FGF14: variants seen among roughly 807,000 people sequenced by gnomAD.
The protein encoded by FGF14 is fibroblast growth factor 14.
FGF14 carries 5 observed loss-of-function variants against 25.5 expected under a neutral mutation model. That is an observed-to-expected ratio of 0.20 (90% CI 0.10 to 0.41). The LOEUF is 0.41. Among genes scored for constraint, FGF14 ranks in the 10% least tolerant of loss-of-function variants. The probability of loss-of-function intolerance (pLI) is 1.00; values close to 1 mark genes in which losing one functional copy is unlikely to be tolerated. For missense variants in FGF14, 222 were observed against 320.1 expected, an observed-to-expected ratio of 0.69 and a Z score of 2.34; for synonymous variants, 138 against 118.3, an observed-to-expected ratio of 1.17 and a Z score of -1.08.
chr13:102,207,229 G>A (rs763307182), intron 1 of FGF14, among the ~76,000 whole-genome samples: 3 of 151,154 alleles, frequency 2.0e-5, no homozygotes, highest in Non-Finnish European at 3.0e-5. Context: ...GCAGTGAGCC[G>A]AGATCATGCC....
At chr13:101,910,996 G>T (rs533556134) in intron 1 of FGF14, among the ~76,000 whole-genome samples, 2 of 151,892 alleles carry the variant, frequency 1.3e-5, no homozygotes, top group Admixed American at 6.6e-5. Flanking sequence ...CATTTGGGGA[G>T]ACATTAATAT....
chr13:102,137,810 G>T (rs186628707), intron 1 of FGF14, among the ~76,000 whole-genome samples: 129 of 151,784 alleles, frequency 8.5e-4, no homozygotes, highest in African/African-American at 2.8e-3. Context: ...CTTCAAGTGG[G>T]TAAGGCTTTG....
At chr13:102,243,654 T>C (rs1566855855) in intron 1 of FGF14, among the ~76,000 whole-genome samples, 1 of 63,458 alleles carries the variant, frequency 1.6e-5, no homozygotes, top group Non-Finnish European at 2.8e-5. Flanking sequence ...ACTTTGGGCA[T>C]GTTTTTTTTT....
intron 1 of FGF14, among the ~76,000 whole-genome samples, chr13:101,932,686 A>T (rs1387999059): frequency 1.3e-5 from 2 of 151,666 alleles, no homozygotes; most frequent in Admixed American, 6.6e-5. Context: ...AGTTTCCTAA[A>T]ATGAAGTTAT....
chr13:101,916,322 G>T (rs1389446165), intron 1 of FGF14, 131 bp downstream of exon 1: 1 of 1,124,036 alleles, frequency 8.9e-7, no homozygotes, highest in Non-Finnish European at 1.3e-6. Flanking sequence ...ACGGCACCCA[G>T]AGTGCTCAGA....
chr13:102,244,290 T>A (rs2051748116), intron 1 of FGF14, among the ~76,000 whole-genome samples: 1 of 151,976 alleles, frequency 6.6e-6, no homozygotes, highest in African/African-American at 2.4e-5. Context: ...AAGTGTAACT[T>A]GCAAGTTGGG....
intron 3 of FGF14, among the ~76,000 whole-genome samples, chr13:101,803,128 CTTTT>C (rs538040504): frequency 4.5e-5 from 6 of 132,948 alleles, no homozygotes; most frequent in Admixed American, 1.5e-4. Flanking sequence ...CATTTTGAAA[CTTTT>C]TTTTTTTTTT....
intron 3 of FGF14, among the ~76,000 whole-genome samples, chr13:101,754,126 G>A (rs1041395360): frequency 2.0e-5 from 3 of 152,134 alleles, no homozygotes; most frequent in African/African-American, 7.2e-5. Context: ...TTCCTAGTTT[G>A]GAGTTGGATT....
intron 1 of FGF14, among the ~76,000 whole-genome samples, chr13:101,988,429 CA>C (rs1196382137): frequency 6.6e-6 from 1 of 151,964 alleles, no homozygotes; most frequent in Non-Finnish European, 1.5e-5. Flanking sequence ...TATTGCTATT[CA>C]CAATAGCAAA....
chr13:102,057,415 T>A (rs1040213677), intron 1 of FGF14, among the ~76,000 whole-genome samples: 1 of 152,176 alleles, frequency 6.6e-6, no homozygotes. Flanking sequence ...GAATATGGTC[T>A]CCATTTGCAG....
intron 1 of FGF14, among the ~76,000 whole-genome samples, chr13:101,878,959 T>G (rs75735050): frequency 8.6e-6 from 1 of 116,446 alleles, no homozygotes; most frequent in East Asian, 2.8e-4. Context: ...TACAAGTATT[T>G]TTGTTTTAAA....
rs1478594738 is a variant in FGF14, at chr13:102,072,419, T to C, written c.209-197123A>G. Among the ~76,000 whole-genome samples the C allele has an allele frequency of 4.6e-5, 7 of 152,184 alleles. No homozygotes were observed. The South Asian group carries it at 8.3e-4, about 18-fold the overall frequency. ...GGGCAAAGTATCACTCTCAGAATTA[T>C]GGGATTCATAAGGAATCATCAAGAA... On this transcript the variant is annotated intron_variant, in intron 1 of 4. Coordinates refer to the FGF14 transcript ENST00000376131.
intron 1 of FGF14, among the ~76,000 whole-genome samples, chr13:102,194,406 C>T (rs750036060): frequency 6.9e-5 from 10 of 143,914 alleles, no homozygotes; most frequent in Non-Finnish European, 1.3e-4. Flanking sequence ...CATGCATTAG[C>T]TATTTATCCT....
At chr13:102,006,900 G>A (rs867388892) in intron 1 of FGF14, among the ~76,000 whole-genome samples, 190 of 150,322 alleles carry the variant, frequency 1.3e-3, no homozygotes, top group African/African-American at 4.3e-3. Context: ...GCCCGCCACC[G>A]CGCCTGGCTA....
intron 1 of FGF14, among the ~76,000 whole-genome samples, chr13:102,103,523 A>C (rs2086145084): frequency 6.6e-6 from 1 of 151,990 alleles, no homozygotes; most frequent in African/African-American, 2.4e-5. Flanking sequence ...TTATATTCCT[A>C]TTCTTTTCCA....
At chr13:102,313,348 C>T (rs1000875384) in intron 1 of FGF14, among the ~76,000 whole-genome samples, 1 of 152,196 alleles carries the variant, frequency 6.6e-6, no homozygotes, top group Non-Finnish European at 1.5e-5. Flanking sequence ...AAGTGGAGAA[C>T]TCAGAAACTG....
chr13:102,049,127 A>G (rs1395860580), intron 1 of FGF14, among the ~76,000 whole-genome samples: 1 of 132,052 alleles, frequency 7.6e-6, no homozygotes, highest in Admixed American at 7.2e-5. Flanking sequence ...AAATTTTAGG[A>G]AAAAAAATAC....
chr13:102,200,062 G>A, intron 1 of FGF14, among the ~76,000 whole-genome samples: 1 of 152,188 alleles, frequency 6.6e-6, no homozygotes. Flanking sequence ...TGGCCTCAGT[G>A]TTGTCATCTG....
intron 1 of FGF14, among the ~76,000 whole-genome samples, chr13:102,227,055 A>G (rs1420192437): frequency 6.6e-6 from 1 of 152,094 alleles, no homozygotes; most frequent in Non-Finnish European, 1.5e-5. Context: ...TTATTTTCAA[A>G]CATGACTGCC....
Sources: gnomAD v4.1 joint callset for allele counts (sites outside exome capture counted in the v4.1 genomes callset) on GRCh38, gnomAD v4.1.1 for gene constraint, MANE v1.5 for transcripts, NCBI Gene and HGNC (gene_info 2026-07-23, HGNC 2026-07-21) for gene names.